Variants in SLC4A10 observed in about 807,000 individuals in gnomAD.
SLC4A10 encodes the protein sodium-driven chloride bicarbonate exchanger.
SLC4A10 carries 42 observed loss-of-function variants against 137.7 expected under a neutral mutation model. The observed-to-expected ratio is 0.30, with a 90% CI of 0.24 to 0.39. SLC4A10 has a LOEUF of 0.39. SLC4A10 is among the 10% of genes least tolerant of loss of function. The pLI is 1.00. For missense variants in SLC4A10, 925 were observed against 1,355.0 expected, an observed-to-expected ratio of 0.68 and a Z score of 4.98; for synonymous variants, 474 against 464.1, an observed-to-expected ratio of 1.02 and a Z score of -0.27.
intron 1 of SLC4A10, among the ~76,000 whole-genome samples, chr2:161,737,098 A>G (rs1362159777): frequency 6.6e-6 from 1 of 151,844 alleles, no homozygotes; most frequent in East Asian, 1.9e-4. Context: ...GGCTCAAGAG[A>G]TCCTCCCACC....
chr2:161,866,160 A>C (rs1249100567), intron 6 of SLC4A10, among the ~76,000 whole-genome samples: 1 of 152,050 alleles, frequency 6.6e-6, no homozygotes, highest in East Asian at 1.9e-4. Context: ...TATAGAATAA[A>C]GTTTATACTT....
intron 25 of SLC4A10, chr2:161,977,164 C>T (rs1249652751): frequency 6.7e-6 from 2 of 299,490 alleles, no homozygotes; most frequent in Non-Finnish European, 1.2e-5. Context: ...CCCTCATCAC[C>T]CACTTCCCCC....
At chr2:161,894,137 A>G (rs1575503979) in intron 10 of SLC4A10, among the ~76,000 whole-genome samples, 1 of 152,074 alleles carries the variant, frequency 6.6e-6, no homozygotes, top group African/African-American at 2.4e-5. Flanking sequence ...TCAAGTATCC[A>G]TAGATTTTGG....
At chr2:161,915,464 C>T (rs944329031) in intron 15 of SLC4A10, among the ~76,000 whole-genome samples, 6 of 152,188 alleles carry the variant, frequency 3.9e-5, no homozygotes, top group Non-Finnish European at 7.3e-5. Flanking sequence ...GGTACTCAAA[C>T]AGGCCATCAC....
intron 1 of SLC4A10, among the ~76,000 whole-genome samples, chr2:161,682,929 G>T (rs1383364245): frequency 1.3e-5 from 2 of 151,810 alleles, no homozygotes; most frequent in Non-Finnish European, 2.9e-5. Flanking sequence ...TAATGAATTT[G>T]TAATATATAA....
In SLC4A10 at chr2:161,819,742, C is replaced by T. The variant is rs2057452815; in HGVS notation, c.277+15147C>T. Among the ~76,000 whole-genome samples the T allele has an allele frequency of 2.0e-5, 3 of 152,176 alleles. No homozygotes were observed. In the South Asian group the frequency reaches 6.2e-4, roughly 31 times the overall value. ...AACTCCTGACCTCGTGATCCACCCGCACCAGCCTCCCAAAGTGCTGGGATT... is the reference window on the plus strand; with the variant it reads ...AACTCCTGACCTCGTGATCCACCCGTACCAGCCTCCCAAAGTGCTGGGATT... On this transcript the variant is annotated intron_variant, in intron 3 of 26. Coordinates refer to ENST00000446997, the MANE Select transcript of SLC4A10 (RefSeq NM_001178015.2).
Position 161,762,788 on chromosome 2 carries a change from T to G in SLC4A10, c.49-8185T>G, listed in dbSNP as rs2050386093. Among the ~76,000 whole-genome samples, 5 of 152,178 alleles carry G rather than the reference T, an allele frequency of 3.3e-5. No individual in the cohort carries two copies. The South Asian group carries it at 1.0e-3, about 32-fold the overall frequency. ...CATAGTGAAATGAGTAAAATCAACC[T>G]TTGTTTTCTATGAAGTATTTTAACG... On this transcript the variant is annotated intron_variant, in intron 1 of 26. Transcript: ENST00000446997.
chr2:161,871,130 G>C (rs551521880), intron 6 of SLC4A10, among the ~76,000 whole-genome samples: 3 of 151,848 alleles, frequency 2.0e-5, no homozygotes, highest in African/African-American at 7.2e-5. Flanking sequence ...TTTCAGGAGA[G>C]AATTTAAGGG....
rs1343264285 is a variant in SLC4A10 at position 161,767,176 on chromosome 2, ATATGTG to A, written c.49-3795_49-3790del. 3.0e-3 allele frequency among the ~76,000 whole-genome samples: 91 copies of A among 30,506 alleles called. 2 individuals are homozygous for A. The highest frequency in any genetic ancestry group is 0.011 in the South Asian group (11 of 1,028). The allele number at this position is 30,506 out of a possible 152,430, so 20.0% of individuals were successfully genotyped here. ...GTGTGTGTGTGTGTTTTATTTATATATATGTGTGTGTGTGTGTGTGTGTGTGTATAT... is the reference window on the plus strand; with the variant it reads ...GTGTGTGTGTGTGTTTTATTTATATATGTGTGTGTGTGTGTGTGTGTATAT... On this transcript the variant is annotated intron_variant, in intron 1 of 26. Coordinates refer to ENST00000446997, the MANE Select transcript of SLC4A10 (RefSeq NM_001178015.2).
At chr2:161,743,186 C>T (rs1202614111) in intron 1 of SLC4A10, among the ~76,000 whole-genome samples, 1 of 152,164 alleles carries the variant, frequency 6.6e-6, no homozygotes, top group Admixed American at 6.5e-5. Context: ...CTCAAGAAAT[C>T]TTTGCCCAGA....
chr2:161,701,411 CTATT>C (rs982983680), intron 1 of SLC4A10, among the ~76,000 whole-genome samples: 18 of 151,838 alleles, frequency 1.2e-4, no homozygotes, highest in African/African-American at 4.1e-4. Context: ...TCACTGCACA[CTATT>C]TATTTTCATT....
At chr2:161,670,887 C>A (rs191936353) in intron 1 of SLC4A10, among the ~76,000 whole-genome samples, 1 of 152,192 alleles carries the variant, frequency 6.6e-6, no homozygotes, top group African/African-American at 2.4e-5. Context: ...TATAAGATAT[C>A]GCTTCCTTCT....
intron 3 of SLC4A10, among the ~76,000 whole-genome samples, chr2:161,838,148 G>A (rs1003277219): frequency 6.6e-5 from 10 of 152,088 alleles, no homozygotes; most frequent in African/African-American, 2.2e-4. Context: ...CAGAAAAACA[G>A]TCCAAACAAA....
chr2:161,921,448 A>T (rs1053656664), intron 15 of SLC4A10, among the ~76,000 whole-genome samples: 20 of 152,218 alleles, frequency 1.3e-4, no homozygotes, highest in African/African-American at 4.8e-4. Flanking sequence ...CAGAGCAAGG[A>T]GCAATACCCT....
At chr2:161,818,899 T>G (rs1235211438) in intron 3 of SLC4A10, among the ~76,000 whole-genome samples, 1 of 152,224 alleles carries the variant, frequency 6.6e-6, no homozygotes, top group African/African-American at 2.4e-5. Flanking sequence ...TTGAGGATTT[T>G]TGCATCAATA....
At chr2:161,706,119 C>G (rs2043637076) in intron 1 of SLC4A10, among the ~76,000 whole-genome samples, 1 of 151,246 alleles carries the variant, frequency 6.6e-6, no homozygotes, top group Admixed American at 6.6e-5. Context: ...TAGATCTTAT[C>G]AACTAGATAA....
chr2:161,777,660 G>A (rs961015167), intron 2 of SLC4A10, among the ~76,000 whole-genome samples: 5 of 151,850 alleles, frequency 3.3e-5, no homozygotes, highest in South Asian at 2.1e-4. Flanking sequence ...AGAAGCTCCC[G>A]TTTTTAAAAC....
intron 19 of SLC4A10, among the ~76,000 whole-genome samples, chr2:161,953,235 G>C (rs981952645): frequency 6.6e-6 from 1 of 152,080 alleles, no homozygotes. Flanking sequence ...ACATATTTTA[G>C]ATCTTTTTAC....
chr2:161,815,500 A>G (rs976549813), intron 3 of SLC4A10, among the ~76,000 whole-genome samples: 4 of 152,114 alleles, frequency 2.6e-5, no homozygotes, highest in Non-Finnish European at 2.9e-5. Context: ...TTTATAAATT[A>G]CCCAGCCTCA....
Sources: allele counts gnomAD v4.1 joint callset (sites outside exome capture counted in the v4.1 genomes callset), GRCh38; gene constraint gnomAD v4.1.1; transcripts MANE v1.5; gene names NCBI Gene and HGNC (gene_info 2026-07-23, HGNC 2026-07-21).